RBFOX3: variants seen among roughly 807,000 people sequenced by gnomAD.
The protein encoded by RBFOX3 is RNA binding protein fox-1 homolog 3.
Under a neutral mutation model 48.7 loss-of-function variants are expected in RBFOX3, and 17 were observed. That is an observed-to-expected ratio of 0.35 (90% CI 0.24 to 0.52). RBFOX3 has a LOEUF of 0.52. Ranked by LOEUF, RBFOX3 falls within the 20% of genes least tolerant of loss-of-function variation. The probability of loss-of-function intolerance (pLI) is 0.94; values close to 1 mark genes in which losing one functional copy is unlikely to be tolerated. For synonymous variants in RBFOX3, 212 were observed against 209.5 expected (o/e 1.01, Z -0.10); for missense variants, 382 against 497.5 (o/e 0.77, Z 2.21).
intron 2 of RBFOX3, among the ~76,000 whole-genome samples, chr17:79,334,313 G>A (rs1256432925): frequency 1.3e-5 from 2 of 152,112 alleles, no homozygotes; most frequent in East Asian, 1.9e-4. Flanking sequence ...CTCAGACAGT[G>A]GCATCGCCAG....
intron 4 of RBFOX3, among the ~76,000 whole-genome samples, chr17:79,197,434 G>T (rs2146683956): frequency 6.9e-6 from 1 of 145,204 alleles, no homozygotes; most frequent in East Asian, 2.1e-4. Context: ...TGTCGCCCAG[G>T]CTGGAGTGCA....
chr17:79,355,049 C>T (rs2084706300), intron 2 of RBFOX3, among the ~76,000 whole-genome samples: 1 of 152,218 alleles, frequency 6.6e-6, no homozygotes. Context: ...CCGGCCTCTC[C>T]TCTTTATAGC....
At chr17:79,513,821 C>T (rs1433400073) in intron 1 of RBFOX3, among the ~76,000 whole-genome samples, 4 of 152,188 alleles carry the variant, frequency 2.6e-5, no homozygotes. Context: ...GAGTGTGGTT[C>T]CTGGGTCTAT....
At chr17:79,236,016 G>T (rs1409883159) in intron 3 of RBFOX3, among the ~76,000 whole-genome samples, 2 of 152,182 alleles carry the variant, frequency 1.3e-5, no homozygotes, top group African/African-American at 4.8e-5. Context: ...TAGATAACAG[G>T]CAGAGATAAA....
At chr17:79,330,859 T>A (rs982029226) in intron 2 of RBFOX3, among the ~76,000 whole-genome samples, 7 of 152,186 alleles carry the variant, frequency 4.6e-5, no homozygotes, top group Non-Finnish European at 7.3e-5. Context: ...CAGGACCTTC[T>A]CTCCCAGCTT....
At chr17:79,645,672 C>T in the RBFOX3 span, among the ~76,000 whole-genome samples, 3 of 152,212 alleles carry the variant, frequency 2.0e-5, no homozygotes, top group Admixed American at 6.5e-5. Flanking sequence ...TCATCCAGTT[C>T]ACCGTCTTTC....
At chr17:79,101,703 C>A (rs1295425047) in intron 8 of RBFOX3, 59 bp from the exon 9 acceptor site, 16 of 1,432,800 alleles carry the variant, frequency 1.1e-5, no homozygotes, top group Non-Finnish European at 1.4e-5. Flanking sequence ...GGAAGACCCA[C>A]TGGCCACTCC....
At chr17:79,456,182 C>A (rs2074458900) in intron 2 of RBFOX3, among the ~76,000 whole-genome samples, 1 of 152,172 alleles carries the variant, frequency 6.6e-6, no homozygotes, top group Non-Finnish European at 1.5e-5. Flanking sequence ...CGAGCCTGTT[C>A]CTCTCTCACG....
chr17:79,215,123 T>C (rs2147232893), intron 4 of RBFOX3, among the ~76,000 whole-genome samples: 1 of 152,264 alleles, frequency 6.6e-6, no homozygotes, highest in African/African-American at 2.4e-5. Flanking sequence ...CATCTTCCTG[T>C]GCCATCTGTT....
the RBFOX3 span, among the ~76,000 whole-genome samples, chr17:79,652,583 AG>A: frequency 1.5e-5 from 2 of 136,926 alleles, no homozygotes; most frequent in Non-Finnish European, 3.1e-5. Flanking sequence ...AAAGGAGAGG[AG>A]AGGAGAGGAG....
In RBFOX3 at chr17:79,353,039, C is replaced by T. The variant is rs116184592; in HGVS notation, c.-174-45215G>A. ...AGTGAGGATCACACAGGGACTGCCT[C>T]GGGACATCAGGATGACATGGTCTGA... On this transcript the variant is annotated intron_variant, in intron 2 of 14. Transcript: ENST00000693108. Among the ~76,000 whole-genome samples, 413 of 152,332 alleles carry T rather than the reference C, an allele frequency of 2.7e-3. 2 individuals are homozygous for T. Among genetic ancestry groups the T allele is most frequent in the African/African-American group, 8.7e-3 (361 of 41,574 alleles).
intron 10 of RBFOX3, 32 bp from the exon 11 acceptor site, chr17:79,097,456 G>GAGGCAC (rs2075554219): frequency 1.6e-5 from 24 of 1,519,382 alleles, no homozygotes; most frequent in Non-Finnish European, 2.0e-5. Context: ...ACACGTGTGA[G>GAGGCAC]AGGCACAAGG....
intron 4 of RBFOX3, among the ~76,000 whole-genome samples, chr17:79,141,800 G>A (rs1374207940): frequency 6.6e-6 from 1 of 152,082 alleles, no homozygotes; most frequent in African/African-American, 2.4e-5. Flanking sequence ...ACGACACAGT[G>A]CCCCCCGGTC....
intron 3 of RBFOX3, among the ~76,000 whole-genome samples, chr17:79,286,570 C>T (rs2071938156): frequency 6.6e-6 from 1 of 152,204 alleles, no homozygotes; most frequent in Non-Finnish European, 1.5e-5. Flanking sequence ...GGCTGGCTTC[C>T]TCCTGATATG....
chr17:79,655,320 G>A, the RBFOX3 span, among the ~76,000 whole-genome samples: 1 of 152,176 alleles, frequency 6.6e-6, no homozygotes, highest in Non-Finnish European at 1.5e-5. Flanking sequence ...TCCCTGACCA[G>A]GTGACCTTGA....
chr17:79,487,679 AGGTG>A, intron 1 of RBFOX3, among the ~76,000 whole-genome samples: 1 of 152,202 alleles, frequency 6.6e-6, no homozygotes, highest in Admixed American at 6.5e-5. Flanking sequence ...TGGGACGCTG[AGGTG>A]GGTGGATCAC....
chr17:79,213,677 C>A (rs891297726), intron 4 of RBFOX3, among the ~76,000 whole-genome samples: 4 of 152,222 alleles, frequency 2.6e-5, no homozygotes, highest in Non-Finnish European at 5.9e-5. Context: ...CCATTAGGGG[C>A]ACTTTGCACC....
At chr17:79,584,689 T>C (rs1264286649) in intron 1 of RBFOX3, among the ~76,000 whole-genome samples, 1 of 152,196 alleles carries the variant, frequency 6.6e-6, no homozygotes, top group Admixed American at 6.5e-5. Context: ...AAATATCGTA[T>C]GTTCACACCC....
chr17:79,375,059 C>T (rs538446853), intron 2 of RBFOX3, among the ~76,000 whole-genome samples: 8 of 152,234 alleles, frequency 5.3e-5, no homozygotes, highest in Non-Finnish European at 7.4e-5. Flanking sequence ...CCCCTGGGCT[C>T]GCCAAGAGCC....
Sources: gnomAD v4.1 joint callset for allele counts (sites outside exome capture counted in the v4.1 genomes callset) on GRCh38, gnomAD v4.1.1 for gene constraint, MANE v1.5 for transcripts, NCBI Gene and HGNC (gene_info 2026-07-23, HGNC 2026-07-21) for gene names.